The following PCM1 variants were observed in gnomAD, a reference collection of about 807,000 sequenced individuals.
PCM1 encodes the protein pericentriolar material 1.
A neutral mutation model predicts 241.9 loss-of-function variants in PCM1; 157 were observed. The ratio of observed to expected loss-of-function variants is 0.65; its 90% CI spans 0.57 to 0.74. PCM1 has a LOEUF of 0.74. Ranked by LOEUF, PCM1 falls within the 30% of genes least tolerant of loss-of-function variation. The pLI is 0.00. For missense variants in PCM1, 3,478 were observed against 2,360.1 expected (o/e 1.47, Z -9.81); for synonymous variants, 1,085 against 784.9 (o/e 1.38, Z -6.39).
chr8:17,967,216 T>G (rs892188611), intron 21 of PCM1, 46 bp downstream of exon 21: 3 of 1,377,210 alleles, frequency 2.2e-6, no homozygotes, highest in East Asian at 2.5e-5. Flanking sequence ...GCAAAGTGTT[T>G]GGAACAACGT....
chr8:18,015,817 A>T (rs972991847), intron 36 of PCM1: 2 of 152,228 alleles, frequency 1.3e-5, no homozygotes, highest in Non-Finnish European at 2.9e-5. Context: ...TTCTCGCTGC[A>T]TCTGGAGGTC....
chr8:17,992,576 A>G (rs1231633061), intron 28 of PCM1, among the ~76,000 whole-genome samples: 1 of 148,942 alleles, frequency 6.7e-6, no homozygotes, highest in Non-Finnish European at 1.5e-5. Context: ...TTCTTTTGAG[A>G]GGAGTTGTCT....
intron 38 of PCM1, among the ~76,000 whole-genome samples, chr8:18,026,163 CTGAAACAAAA>C (rs1422818445): frequency 2.3e-3 from 123 of 53,646 alleles, no homozygotes; most frequent in South Asian, 5.6e-3. Flanking sequence ...GACTCCCTCT[CTGAAACAAAA>C]AAAAAAAAAA....
At chr8:17,960,503 C>G (rs1005671355) in intron 15 of PCM1, 59 bp downstream of exon 15, 1 of 1,222,848 alleles carries the variant, frequency 8.2e-7, no homozygotes, top group African/African-American at 1.6e-5. Flanking sequence ...CTTAGGTCAA[C>G]TGAAAGTACT....
intron 36 of PCM1, among the ~76,000 whole-genome samples, chr8:18,020,365 C>T (rs554277636): frequency 2.0e-5 from 3 of 152,286 alleles, no homozygotes; most frequent in East Asian, 3.9e-4. Context: ...ACAAGTTACA[C>T]GTGCAGTTGA....
Position 17,991,907 on chromosome 8 carries a change from T to C in PCM1, c.4690+207T>C, listed in dbSNP as rs566343313. ...GTCCACTGTATCCTGCTTATGTCTTTGCATACTCATAGCTTAGCTACCACT... is the reference window on the plus strand; with the variant it reads ...GTCCACTGTATCCTGCTTATGTCTTCGCATACTCATAGCTTAGCTACCACT... On this transcript the variant is annotated intron_variant, in intron 28 of 38. Coordinates refer to ENST00000325083, the MANE Select transcript of PCM1 (RefSeq NM_006197.4). Among the ~76,000 whole-genome samples the C allele has an allele frequency of 1.4e-4, 22 of 152,318 alleles. No homozygotes were observed. In the East Asian group the frequency reaches 4.2e-3, roughly 29 times the overall value.
intron 2 of PCM1, among the ~76,000 whole-genome samples, chr8:17,933,543 C>T (rs2129448108): frequency 6.6e-6 from 1 of 152,218 alleles, no homozygotes; most frequent in African/African-American, 2.4e-5. Context: ...TTTAGTATCC[C>T]ATCATGGAAG....
intron 1 of PCM1, among the ~76,000 whole-genome samples, chr8:17,923,738 T>C (rs1008802615): frequency 3.9e-5 from 6 of 151,990 alleles, no homozygotes; most frequent in African/African-American, 1.5e-4. Flanking sequence ...TCTGGTGCTG[T>C]GGGAGCCGAT....
chr8:17,925,593 T>G (rs1023032688), intron 2 of PCM1: 5 of 152,176 alleles, frequency 3.3e-5, no homozygotes, highest in African/African-American at 1.2e-4. Context: ...TCCCAGCACT[T>G]TGGGAGGCCG....
At chr8:17,939,907 CAG>C in intron 6 of PCM1, 46 bp downstream of exon 6, 2 of 1,216,642 alleles carry the variant, frequency 1.6e-6, no homozygotes, top group Non-Finnish European at 2.3e-6. Flanking sequence ...TGTAGTATCT[CAG>C]TGTGTATTTA....
intron 6 of PCM1, among the ~76,000 whole-genome samples, chr8:17,940,592 T>A (rs536984516): frequency 2.6e-5 from 4 of 152,170 alleles, no homozygotes; most frequent in African/African-American, 9.6e-5. Flanking sequence ...AATTTTTCAT[T>A]TTTTGGGCTC....
At chr8:17,995,499 T>C (rs2086358912) in intron 29 of PCM1, among the ~76,000 whole-genome samples, 1 of 151,446 alleles carries the variant, frequency 6.6e-6, no homozygotes, top group Admixed American at 6.6e-5. Flanking sequence ...GGCAGGTTAA[T>C]GTGATTCTTC....
chr8:18,023,665 T>C (rs946401088), intron 36 of PCM1, among the ~76,000 whole-genome samples: 4 of 152,222 alleles, frequency 2.6e-5, no homozygotes, highest in Non-Finnish European at 5.9e-5. Context: ...ATTTATTCAG[T>C]TGGTTAAATT....
chr8:18,014,060 G>C (rs770437119), intron 35 of PCM1, 24 bp downstream of exon 35: 2 of 1,177,212 alleles, frequency 1.7e-6, no homozygotes, highest in South Asian at 3.0e-5. Flanking sequence ...ATAAGTCTTT[G>C]ATTTTAAGAT....
intron 6 of PCM1, among the ~76,000 whole-genome samples, chr8:17,946,417 C>G (rs535535961): frequency 6.6e-6 from 1 of 151,610 alleles, no homozygotes; most frequent in African/African-American, 2.4e-5. Flanking sequence ...AATTTCAGTC[C>G]TTTGTTAGAA....
chr8:17,939,639 T>A, intron 5 of PCM1, 52 bp from the exon 6 acceptor site: 5 of 1,040,330 alleles, frequency 4.8e-6, no homozygotes, highest in Non-Finnish European at 6.8e-6. Flanking sequence ...ATCCTTAGTT[T>A]TATATATTGT....
chr8:17,955,440 A>G (rs1037109881), intron 9 of PCM1, 30 bp from the exon 10 acceptor site: 9 of 1,515,338 alleles, frequency 5.9e-6, no homozygotes, highest in Non-Finnish European at 8.0e-6. Context: ...GGTGATTAAA[A>G]AAAATTTTTT....
chr8:17,931,729 A>G (rs1399714685), intron 2 of PCM1, among the ~76,000 whole-genome samples: 1 of 152,124 alleles, frequency 6.6e-6, no homozygotes, highest in South Asian at 2.1e-4. Context: ...ATATGGCATC[A>G]CTTCTGTTGC....
chr8:17,931,462 T>A (rs914711647), intron 2 of PCM1, among the ~76,000 whole-genome samples: 6 of 152,180 alleles, frequency 3.9e-5, no homozygotes, highest in Non-Finnish European at 7.4e-5. Context: ...CTAGTTTTTG[T>A]ATTTTTAGTA....
Sources: gnomAD v4.1 joint callset for allele counts (sites outside exome capture counted in the v4.1 genomes callset) on GRCh38, gnomAD v4.1.1 for gene constraint, MANE v1.5 for transcripts, NCBI Gene and HGNC (gene_info 2026-07-23, HGNC 2026-07-21) for gene names.